PIK3CB: variants seen among roughly 807,000 people sequenced by gnomAD.
PIK3CB encodes the protein phosphatidylinositol 4,5-bisphosphate 3-kinase catalytic subunit beta isoform.
In PIK3CB, 39 loss-of-function variants were observed where a neutral mutation model predicts 136.8. That is an observed-to-expected ratio of 0.29 (90% CI 0.22 to 0.37). PIK3CB has a LOEUF of 0.37. PIK3CB is among the 10% of genes least tolerant of loss of function. PIK3CB has a pLI of 1.00. For missense variants in PIK3CB, 868 were observed against 1,275.4 expected (o/e 0.68, Z 4.87); for synonymous variants, 428 against 436.6 (o/e 0.98, Z 0.25).
At chr3:138,763,376 A>G (rs1031018479) in intron 2 of PIK3CB, among the ~76,000 whole-genome samples, 7 of 152,098 alleles carry the variant, frequency 4.6e-5, no homozygotes, top group African/African-American at 1.7e-4. Flanking sequence ...TGACCTCATG[A>G]TCCACCCGCC....
chr3:138,716,893 CAAAAAA>C (rs376627250), intron 8 of PIK3CB, among the ~76,000 whole-genome samples: 5 of 11,074 alleles, frequency 4.5e-4, no homozygotes, highest in African/African-American at 7.2e-4. Flanking sequence ...GATTGTGTCT[CAAAAAA>C]AAAAAAAAAA....
intron 19 of PIK3CB, among the ~76,000 whole-genome samples, chr3:138,667,646 C>A (rs1335063026): frequency 6.6e-6 from 1 of 151,346 alleles, no homozygotes; most frequent in African/African-American, 2.4e-5. Flanking sequence ...ACTGCAAGCT[C>A]CACCTCCCGG....
intron 8 of PIK3CB, among the ~76,000 whole-genome samples, chr3:138,730,966 TCAAGGAAGTCTA>T (rs2044959897): frequency 1.3e-5 from 2 of 152,022 alleles, no homozygotes; most frequent in Non-Finnish European, 2.9e-5. Flanking sequence ...AATAAAATCC[TCAAGGAAGTCTA>T]CTATTTACTA....
intron 1 of PIK3CB, among the ~76,000 whole-genome samples, chr3:138,832,910 C>G (rs1934105151): frequency 7.1e-6 from 1 of 141,832 alleles, no homozygotes; most frequent in African/African-American, 2.6e-5. Flanking sequence ...CACTAGGGAG[C>G]CTGAGGCAGG....
At position 138,682,408 on chromosome 3, in the gene PIK3CB, T is replaced by C. The variant is rs200280428; in HGVS notation, c.2426-363A>G. 2.6e-5 allele frequency among the ~76,000 whole-genome samples: 4 copies of C among 152,290 alleles called. No homozygotes were observed. In the East Asian group the frequency reaches 7.7e-4, roughly 29 times the overall value. ...CTTTCTGCTTGCTATTCACAGGAGA[T>C]TCACTGCGCAAAGCACAGTCACTTA... On this transcript the variant is annotated intron_variant, in intron 18 of 23. Transcript: ENST00000674063.
chr3:138,688,828 T>C (rs1264943460), intron 16 of PIK3CB, 47 bp downstream of exon 16: 1 of 1,143,398 alleles, frequency 8.7e-7, no homozygotes, highest in Non-Finnish European at 1.3e-6. Context: ...GCTTTAAACG[T>C]TGTCTGTCAA....
At chr3:138,704,586 A>T (rs2044324840) in intron 11 of PIK3CB, 93 bp from the exon 12 acceptor site, 1 of 811,122 alleles carries the variant, frequency 1.2e-6, no homozygotes, top group Non-Finnish European at 2.1e-6. Context: ...ACTACATAAG[A>T]TCTGGCATTG....
chr3:138,766,738 GA>G (rs2045736920), intron 2 of PIK3CB, among the ~76,000 whole-genome samples: 1 of 152,170 alleles, frequency 6.6e-6, no homozygotes, highest in Non-Finnish European at 1.5e-5. Context: ...ATATTCTAAT[GA>G]TTCAGCAACA....
intron 2 of PIK3CB, among the ~76,000 whole-genome samples, chr3:138,787,157 G>T (rs1204455873): frequency 6.6e-6 from 1 of 152,090 alleles, no homozygotes; most frequent in Non-Finnish European, 1.5e-5. Flanking sequence ...AAACTGGAAG[G>T]CAAGTTTAAA....
At chr3:138,812,238 G>GTT (rs202157497) in intron 1 of PIK3CB, among the ~76,000 whole-genome samples, 4 of 120,416 alleles carry the variant, frequency 3.3e-5, no homozygotes, top group Admixed American at 8.2e-5. Context: ...TAGAATGAGA[G>GTT]GTTTTTTTTT....
intron 4 of PIK3CB, among the ~76,000 whole-genome samples, chr3:138,753,009 T>C (rs2045500966): frequency 6.6e-6 from 1 of 152,068 alleles, no homozygotes; most frequent in Non-Finnish European, 1.5e-5. Flanking sequence ...ACCAATGCCT[T>C]GAAGAAACTT....
intron 4 of PIK3CB, 147 bp from the exon 5 acceptor site, chr3:138,742,928 C>G: frequency 2.0e-6 from 1 of 502,498 alleles, no homozygotes; most frequent in Non-Finnish European, 3.5e-6. Flanking sequence ...AGGAAAATAC[C>G]ATTAAAGATC....
At chr3:138,671,567 G>A (rs1309119717) in intron 19 of PIK3CB, among the ~76,000 whole-genome samples, 4 of 152,234 alleles carry the variant, frequency 2.6e-5, no homozygotes, top group African/African-American at 9.6e-5. Flanking sequence ...GGCTCAGGAA[G>A]TTAGACTTGG....
chr3:138,782,455 C>T (rs908750547), intron 2 of PIK3CB, among the ~76,000 whole-genome samples: 12 of 152,156 alleles, frequency 7.9e-5, no homozygotes, highest in Non-Finnish European at 1.6e-4. Flanking sequence ...GAGTATAGAT[C>T]CCTTTTCTTA....
chr3:138,716,894 A>C (rs867023512), intron 8 of PIK3CB, among the ~76,000 whole-genome samples: 141 of 102,550 alleles, frequency 1.4e-3, no homozygotes, highest in African/African-American at 7.9e-3. Flanking sequence ...ATTGTGTCTC[A>C]AAAAAAAAAA....
At chr3:138,782,268 G>A (rs2045931282) in intron 2 of PIK3CB, among the ~76,000 whole-genome samples, 1 of 152,250 alleles carries the variant, frequency 6.6e-6, no homozygotes, top group Non-Finnish European at 1.5e-5. Context: ...CCACAGAGCT[G>A]TGAAGACCTT....
chr3:138,775,859 A>G (rs1340674216), intron 2 of PIK3CB, among the ~76,000 whole-genome samples: 3 of 152,204 alleles, frequency 2.0e-5, no homozygotes, highest in African/African-American at 7.2e-5. Context: ...CTAATAAATT[A>G]TATTTCGTTT....
intron 2 of PIK3CB, 79 bp downstream of exon 2, chr3:138,796,384 C>CAAAAAAAAAAAAAAAAAAAAAAAA: frequency 1.5e-5 from 1 of 66,686 alleles, no homozygotes; most frequent in Non-Finnish European, 2.8e-5. Flanking sequence ...GACTCCACCT[C>CAAAAAAAAAAAAAAAAAAAAAAAA]AAAAAAAAAA....
intron 21 of PIK3CB, among the ~76,000 whole-genome samples, chr3:138,661,441 C>T (rs964376012): frequency 4.6e-5 from 7 of 152,214 alleles, no homozygotes; most frequent in Non-Finnish European, 8.8e-5. Context: ...TTCTCTATCT[C>T]ACTTTCTATC....
Sources: allele counts gnomAD v4.1 joint callset (sites outside exome capture counted in the v4.1 genomes callset), GRCh38; gene constraint gnomAD v4.1.1; transcripts MANE v1.5; gene names NCBI Gene and HGNC (gene_info 2026-07-23, HGNC 2026-07-21).